Variants in PNPLA6 observed in about 807,000 individuals in gnomAD.
PNPLA6 encodes the protein patatin like domain 6, lysophospholipase.
PNPLA6 carries 105 observed loss-of-function variants against 153.7 expected under a neutral mutation model. The ratio of observed to expected loss-of-function variants is 0.68; its 90% CI spans 0.58 to 0.80. The LOEUF is 0.80. PNPLA6 is among the 30% of genes least tolerant of loss of function. The pLI is 0.00. For synonymous variants in PNPLA6, 825 were observed against 822.2 expected (o/e 1.00, Z -0.06); for missense variants, 1,423 against 1,919.3 (o/e 0.74, Z 4.83).
In PNPLA6 at chr19:7,559,217, C is replaced by T. The variant is rs929197703; in HGVS notation, c.3699+66C>T. The T allele has an allele frequency of 1.1e-5, 16 of 1,400,022 alleles. No individual in the cohort carries two copies. The African/African-American group carries it at 1.4e-4, about 12-fold the overall frequency. 86.7% of individuals were successfully genotyped at this position (1,400,022 alleles called of 1,614,324 possible). On this transcript the variant is annotated intron_variant, in intron 28 of 31. Transcript: ENST00000600737. The stretch of plus-strand genomic sequence containing the variant: ...CGGCTAAGCTTTGCTACTTAAAGCC[C>T]AGAGTGGTATGAGGGGGAGGAATCC...
At chr19:7,558,818 G>C in intron 27 of PNPLA6, 32 bp from the exon 28 acceptor site, 1 of 1,581,632 alleles carries the variant, frequency 6.3e-7, no homozygotes, top group South Asian at 1.1e-5. Flanking sequence ...GCCCCCGAGG[G>C]GAGCAGCCCG....
chr19:7,545,272 T>C (rs2023339765), intron 13 of PNPLA6, among the ~76,000 whole-genome samples: 1 of 151,876 alleles, frequency 6.6e-6, no homozygotes, highest in Non-Finnish European at 1.5e-5. Flanking sequence ...AGTGATCCAC[T>C]CGCCTCAGCC....
chr19:7,550,754 GAGGTCACCC>G, intron 16 of PNPLA6, 114 bp downstream of exon 16: 12 of 1,378,056 alleles, frequency 8.7e-6, no homozygotes, highest in Non-Finnish European at 1.2e-5. Flanking sequence ...CCCGACCTCT[GAGGTCACCC>G]AGTCCACTCC....
intron 18 of PNPLA6, among the ~76,000 whole-genome samples, chr19:7,552,755 C>CAAAAAAAAAAAAAAAA (rs561292553): frequency 2.3e-5 from 1 of 43,922 alleles, no homozygotes; most frequent in Admixed American, 3.4e-4. Context: ...AACTCCATCT[C>CAAAAAAAAAAAAAAAA]AAAAAAAAAA....
At chr19:7,548,528 A>G (rs766181772) in intron 13 of PNPLA6, among the ~76,000 whole-genome samples, 3 of 152,136 alleles carry the variant, frequency 2.0e-5, no homozygotes, top group Non-Finnish European at 4.4e-5. Flanking sequence ...CTTGCTTTAA[A>G]TCATCTCGAG....
intron 24 of PNPLA6, 35 bp from the exon 25 acceptor site, chr19:7,556,418 C>T (rs374368451): frequency 3.1e-6 from 4 of 1,295,260 alleles, no homozygotes; most frequent in East Asian, 2.3e-5. Flanking sequence ...CCCCATGTAA[C>T]TCCTATTTGA....
At chr19:7,547,732 G>C (rs980437143) in intron 13 of PNPLA6, among the ~76,000 whole-genome samples, 3 of 151,466 alleles carry the variant, frequency 2.0e-5, no homozygotes, top group Non-Finnish European at 4.4e-5. Context: ...CAAACATCTA[G>C]GCTCAAGCAA....
intron 18 of PNPLA6, 69 bp from the exon 19 acceptor site, chr19:7,553,803 AGAG>A (rs1001322638): frequency 1.6e-5 from 25 of 1,582,220 alleles, no homozygotes; most frequent in African/African-American, 1.3e-4. Flanking sequence ...AAGAGGAAGA[AGAG>A]GAGGAGGAGG....
chr19:7,536,192 A>G lies in PNPLA6; in HGVS notation c.234A>G (p.Lys78=). ...GCCCCTGTCCCCACCTATCCCCAGA[A>G]ACCCCAGCCCCGGATGGCCCCCGGT... ...LLVVRRLRVP[K]TPAPDGPRYR... Residue 78 remains lysine (K), a splice_region_variant and synonymous_variant, in exon 2 of 32, where the codon AAA becomes AAG. Transcript: ENST00000600737. 6.2e-7 allele frequency: 1 copy of G among 1,611,172 alleles called. No individual in the cohort carries two copies. Among genetic ancestry groups the G allele is most frequent in the Non-Finnish European group, 8.5e-7 (1 of 1,177,430 alleles).
rs766477262 is a variant in PNPLA6, at chr19:7,556,616, C to T, written c.3211-39C>T. The stretch of plus-strand genomic sequence containing the variant: ...CCCTGCCTACCCCTCCCCGGAGGAG[C>T]CCCCTGCTCCTCCCCCACCTCGATC... On this transcript the variant is annotated intron_variant, in intron 25 of 31. Transcript: ENST00000600737. 1.9e-6 allele frequency: 3 copies of T among 1,586,626 alleles called. No homozygotes were observed. In the South Asian group the frequency reaches 3.3e-5, roughly 18 times the overall value.
chr19:7,555,516 C>A lies in PNPLA6; in HGVS notation c.2937-91C>A. On this transcript the variant is annotated intron_variant, in intron 23 of 31. Coordinates refer to ENST00000600737, the MANE Select transcript of PNPLA6 (RefSeq NM_001166114.2). This position sits in a 1 kb window ranked among gnomAD's most constrained non-coding sequence, Gnocchi z 6.3. ...CGTGGGTAGGGGCGGGTCCTTTGTTCCTTAGCAGTGCGGGAGGTGGGAGGA... is the reference window on the plus strand; with the variant it reads ...CGTGGGTAGGGGCGGGTCCTTTGTTACTTAGCAGTGCGGGAGGTGGGAGGA... The A allele has an allele frequency of 6.8e-7, 1 of 1,478,210 alleles. No individual in the cohort carries two copies. Among genetic ancestry groups the A allele is most frequent in the Non-Finnish European group, 9.2e-7 (1 of 1,083,404 alleles). 91.6% of individuals were successfully genotyped at this position (1,478,210 alleles called of 1,614,324 possible). A position where few individuals can be genotyped will look rare whatever the true frequency, so the allele number is the denominator to read the frequency against.
intron 25 of PNPLA6, 23 bp downstream of exon 25, chr19:7,556,592 C>T (rs375074211): frequency 1.3e-5 from 20 of 1,581,762 alleles, no homozygotes; most frequent in Admixed American, 1.2e-4. Context: ...CATCCCCTGC[C>T]CTGCCTACCC....
Position 7,540,700 on chromosome 19 carries a change from A to T in PNPLA6, c.785A>T (p.Asp262Val). The change falls in exon 6 of 32, where the codon GAT (aspartate) becomes GTT (valine). Residue 262 changes from aspartate to valine, a missense_variant. Coordinates refer to ENST00000600737, the MANE Select transcript of PNPLA6 (RefSeq NM_001166114.2). This position sits in a 1 kb window ranked among gnomAD's most constrained non-coding sequence, Gnocchi z 6.8. ...GTCAACAGCCTTCTCAGCATCCTGG[A>T]TGTCATCACCGTGAGTGACCAGTTT... ...DSVNSLLSIL[D>V]VITGHQHPQR... is the part of the protein sequence containing the mutation. The T allele has an allele frequency of 6.2e-7, 1 of 1,613,182 alleles. No individual in the cohort carries two copies. Among genetic ancestry groups the T allele is most frequent in the Non-Finnish European group, 8.5e-7 (1 of 1,179,160 alleles).
At chr19:7,544,824 C>A (rs1167370958) in intron 13 of PNPLA6, among the ~76,000 whole-genome samples, 1 of 152,112 alleles carries the variant, frequency 6.6e-6, no homozygotes, top group Non-Finnish European at 1.5e-5. Flanking sequence ...AGGCTTTTGC[C>A]AGCTGTTCTT....
Position 7,539,425 on chromosome 19 carries a change from G to A in PNPLA6, c.414-493G>A, listed in dbSNP as rs1378075287. On this transcript the variant is annotated intron_variant, in intron 3 of 31. Transcript: ENST00000600737. The stretch of plus-strand genomic sequence containing the variant: ...GCCTGGGAGGTGGAGGTTGCAGTGG[G>A]CCGAGATTTCGCCACTGCACTCCAG... 7.3e-5 allele frequency among the ~76,000 whole-genome samples: 11 copies of A among 151,718 alleles called. 1 individual carries two copies. Among genetic ancestry groups the A allele is most frequent in the Admixed American group, 7.2e-4 (11 of 15,202 alleles).
intron 13 of PNPLA6, among the ~76,000 whole-genome samples, chr19:7,549,106 A>C (rs1471045131): frequency 6.7e-6 from 1 of 148,618 alleles, no homozygotes; most frequent in Non-Finnish European, 1.5e-5. Context: ...CCCGGCTAAA[A>C]AATATTTTTA....
At chr19:7,545,273 C>A (rs1023471474) in intron 13 of PNPLA6, among the ~76,000 whole-genome samples, 2 of 152,048 alleles carry the variant, frequency 1.3e-5, no homozygotes, top group Admixed American at 6.6e-5. Context: ...GTGATCCACT[C>A]GCCTCAGCCT....
At position 7,540,837 on chromosome 19, in the gene PNPLA6, G is replaced by T; in HGVS notation, c.796-86G>T. ...TTATGCTGCCGATGGCCCCTCACGGGACTGGCGCCAGGAAGGATTAGGGGA... is the reference window on the plus strand; with the variant it reads ...TTATGCTGCCGATGGCCCCTCACGGTACTGGCGCCAGGAAGGATTAGGGGA... On this transcript the variant is annotated intron_variant, in intron 6 of 31. Transcript: ENST00000600737. The surrounding 1 kb of genome is among the most constrained non-coding windows in gnomAD (Gnocchi z 6.8). 1 of 1,593,820 alleles carries T rather than the reference G, an allele frequency of 6.3e-7. No homozygotes were observed.
At position 7,552,548 on chromosome 19, in the gene PNPLA6, G is replaced by A. The variant is rs539744628; in HGVS notation, c.2260+1111G>A. ...AGGCAGGTGAATCACTTGAGGTCAG[G>A]GGTTCGAGACCAGCCTGGCCAACGT... On this transcript the variant is annotated intron_variant, in intron 18 of 31. Transcript: ENST00000600737. Among the ~76,000 whole-genome samples the A allele has an allele frequency of 4.6e-5, 7 of 152,200 alleles. No homozygotes were observed. The South Asian group carries it at 1.5e-3, about 32-fold the overall frequency.
Sources: gnomAD v4.1 joint callset for allele counts (sites outside exome capture counted in the v4.1 genomes callset) on GRCh38, gnomAD v4.1.1 for gene constraint, Gnocchi (gnomAD v3.1) non-coding constraint, MANE v1.5 for transcripts, NCBI Gene and HGNC (gene_info 2026-07-23, HGNC 2026-07-21) for gene names.